The following PPM1L variants were observed in gnomAD, a reference collection of about 807,000 sequenced individuals.
The protein encoded by PPM1L is protein phosphatase, Mg2+/Mn2+ dependent 1L.
A neutral mutation model predicts 31.4 loss-of-function variants in PPM1L; 13 were observed. That is an observed-to-expected ratio of 0.41 (90% confidence interval 0.27 to 0.66). The LOEUF is 0.66. PPM1L is among the 30% of genes least tolerant of loss of function. The probability of loss-of-function intolerance (pLI) is 0.29; values close to 1 mark genes in which losing one functional copy is unlikely to be tolerated. For synonymous variants in PPM1L, 184 were observed against 175.4 expected (o/e 1.05, Z -0.39); for missense variants, 326 against 453.7 (o/e 0.72, Z 2.56).
chr3:160,927,735 T>G (rs964978984), intron 1 of PPM1L, among the ~76,000 whole-genome samples: 1 of 152,182 alleles, frequency 6.6e-6, no homozygotes, highest in Non-Finnish European at 1.5e-5. Context: ...CGAACGAAAC[T>G]TGTCACTAAT....
At chr3:161,036,048 A>G (rs1718732045) in intron 2 of PPM1L, 1 of 152,198 alleles carries the variant, frequency 6.6e-6, no homozygotes, top group Admixed American at 6.5e-5. Context: ...TAAGAAAGAA[A>G]AGATCAGACT....
chr3:160,933,514 A>G (rs906126319), intron 1 of PPM1L, among the ~76,000 whole-genome samples: 1 of 152,134 alleles, frequency 6.6e-6, no homozygotes, highest in Non-Finnish European at 1.5e-5. Flanking sequence ...ATCATTTTTC[A>G]TTATCCCTGT....
rs759620451 is a variant in PPM1L, at chr3:161,073,568, C to T, written c.*4411C>T. 1 of 151,042 alleles carries T rather than the reference C, an allele frequency of 6.6e-6. No homozygotes were observed. Among genetic ancestry groups the T allele is most frequent in the East Asian group, 1.9e-4 (1 of 5,146 alleles). 9.4% of individuals were successfully genotyped at this position (151,042 alleles called of 1,614,324 possible). A position where few individuals can be genotyped will look rare whatever the true frequency, so the allele number is the denominator to read the frequency against. On this transcript the variant is annotated 3_prime_UTR_variant, in exon 4 of 4. Coordinates refer to ENST00000498165, the MANE Select transcript of PPM1L (RefSeq NM_139245.4). ...ACTTAAAGCTCTAAACATCATCCCC[C>T]CCTTTTTTTTTTTAACGGAATCTCG...
Position 161,061,033 on chromosome 3 carries a change from G to A in PPM1L, c.575-4370G>A, listed in dbSNP as rs1438204133. On this transcript the variant is annotated intron_variant, in intron 2 of 3. Coordinates refer to ENST00000498165, the MANE Select transcript of PPM1L (RefSeq NM_139245.4). Reference sequence around the variant, plus strand: ...TCTTGGGCATAATGTCTTTTCTGGAGTTTCCCAGCAACAAGCAGTTTGTTC... The same window carrying A: ...TCTTGGGCATAATGTCTTTTCTGGAATTTCCCAGCAACAAGCAGTTTGTTC... Among the ~76,000 whole-genome samples the A allele has an allele frequency of 2.0e-5, 3 of 152,092 alleles. No individual in the cohort carries two copies. The East Asian group carries it at 5.8e-4, about 29-fold the overall frequency.
chr3:160,969,586 G>A (rs1716256733), intron 2 of PPM1L, among the ~76,000 whole-genome samples: 1 of 152,184 alleles, frequency 6.6e-6, no homozygotes, highest in Admixed American at 6.5e-5. Flanking sequence ...CAAATAGAGT[G>A]AATTTCTCAG....
At chr3:160,963,813 T>C (rs1008174438) in intron 2 of PPM1L, among the ~76,000 whole-genome samples, 53 of 152,106 alleles carry the variant, frequency 3.5e-4, no homozygotes, top group African/African-American at 1.2e-3. Context: ...TCCTCAGAGG[T>C]AGGCTTGCAC....
intron 2 of PPM1L, among the ~76,000 whole-genome samples, chr3:161,030,889 C>T (rs1421799922): frequency 6.6e-6 from 1 of 152,128 alleles, no homozygotes; most frequent in African/African-American, 2.4e-5. Flanking sequence ...CTTTGGTATA[C>T]TCCACCAGAC....
intron 1 of PPM1L, among the ~76,000 whole-genome samples, chr3:160,869,579 G>A (rs996632121): frequency 9.2e-5 from 14 of 152,000 alleles, no homozygotes; most frequent in Non-Finnish European, 2.9e-5. Context: ...TTGTTTTTAT[G>A]TTGTCAGGTC....
intron 2 of PPM1L, among the ~76,000 whole-genome samples, chr3:161,021,138 G>A (rs749776118): frequency 2.4e-4 from 36 of 151,866 alleles, no homozygotes; most frequent in Non-Finnish European, 4.4e-4. Context: ...TGGTAGCTTA[G>A]GTTTTTTATT....
At chr3:160,831,792 T>A (rs1044611790) in intron 1 of PPM1L, among the ~76,000 whole-genome samples, 1 of 152,044 alleles carries the variant, frequency 6.6e-6, no homozygotes, top group Non-Finnish European at 1.5e-5. Context: ...TCTTAAGGAA[T>A]CTTCAGCTCT....
intron 1 of PPM1L, among the ~76,000 whole-genome samples, chr3:160,817,918 A>G (rs1469350565): frequency 2.0e-5 from 3 of 151,998 alleles, no homozygotes; most frequent in Non-Finnish European, 4.4e-5. Flanking sequence ...AGGGATTGGA[A>G]CCAGAGATTT....
intron 1 of PPM1L, among the ~76,000 whole-genome samples, chr3:160,937,024 G>A (rs1197523532): frequency 6.6e-6 from 1 of 152,072 alleles, no homozygotes; most frequent in Non-Finnish European, 1.5e-5. Flanking sequence ...CTGGCCTATA[G>A]TAAATGCTCA....
chr3:160,976,506 G>A (rs553074641), intron 2 of PPM1L, among the ~76,000 whole-genome samples: 339 of 149,068 alleles, frequency 2.3e-3, no homozygotes, highest in African/African-American at 8.3e-3. Context: ...TCTGGTCCTG[G>A]ACTCCTTTTG....
chr3:161,061,162 T>C (rs997622713), intron 2 of PPM1L, among the ~76,000 whole-genome samples: 1 of 152,162 alleles, frequency 6.6e-6, no homozygotes, highest in African/African-American at 2.4e-5. Flanking sequence ...TTTCAGATCA[T>C]TCTTAAGCCT....
rs113867157 is a variant in PPM1L at position 161,056,422 on chromosome 3, C to T, written c.575-8981C>T. On this transcript the variant is annotated intron_variant, in intron 2 of 3. Coordinates refer to ENST00000498165, the MANE Select transcript of PPM1L (RefSeq NM_139245.4). The stretch of plus-strand genomic sequence containing the variant: ...TTTGTTTTATATCTTGTATACTTTG[C>T]TTGATGCAGTAAATATGCTACTGAA... Among the ~76,000 whole-genome samples the T allele has an allele frequency of 1.2e-3, 178 of 152,114 alleles. 1 individual carries two copies. The highest frequency in any genetic ancestry group is 4.0e-3 in the African/African-American group (165 of 41,498).
chr3:160,848,935 AT>A (rs143003217), intron 1 of PPM1L, among the ~76,000 whole-genome samples: 7 of 151,840 alleles, frequency 4.6e-5, no homozygotes, highest in Non-Finnish European at 1.0e-4. Context: ...AAAACCTCTC[AT>A]TTTTTTCCCC....
intron 2 of PPM1L, among the ~76,000 whole-genome samples, chr3:161,051,925 A>G (rs1280926559): frequency 6.6e-6 from 1 of 152,154 alleles, no homozygotes; most frequent in African/African-American, 2.4e-5. Flanking sequence ...GTAAATACCA[A>G]ATTGACCTTA....
intron 3 of PPM1L, among the ~76,000 whole-genome samples, chr3:161,068,288 A>G (rs1719801283): frequency 6.6e-6 from 1 of 152,214 alleles, no homozygotes; most frequent in Non-Finnish European, 1.5e-5. Context: ...GCCAGGAATC[A>G]CATTCAAGTA....
At chr3:160,862,976 A>C (rs1431809835) in intron 1 of PPM1L, among the ~76,000 whole-genome samples, 2 of 152,172 alleles carry the variant, frequency 1.3e-5, no homozygotes, top group African/African-American at 4.8e-5. Context: ...CAAATCAGAC[A>C]AATTGTTACA....
Sources: gnomAD v4.1 joint callset for allele counts (sites outside exome capture counted in the v4.1 genomes callset) on GRCh38, gnomAD v4.1.1 for gene constraint, MANE v1.5 for transcripts, NCBI Gene and HGNC (gene_info 2026-07-23, HGNC 2026-07-21) for gene names.